KDM1A: variants seen among roughly 807,000 people sequenced by gnomAD.
KDM1A encodes lysine demethylase 1A, also known as lysine-specific histone demethylase 1A.
Under a neutral mutation model 109.4 loss-of-function variants are expected in KDM1A, and 49 were observed. The observed-to-expected ratio is 0.45, with a 90% confidence interval of 0.36 to 0.57. The LOEUF is 0.57. KDM1A is among the 20% of genes least tolerant of loss of function. The probability of loss-of-function intolerance (pLI) is 0.00; values close to 1 mark genes in which losing one functional copy is unlikely to be tolerated. For synonymous variants in KDM1A, 380 were observed against 415.4 expected (o/e 0.91, Z 1.04); for missense variants, 668 against 1,116.6 (o/e 0.60, Z 5.73).
intron 1 of KDM1A, among the ~76,000 whole-genome samples, chr1:23,024,407 T>C (rs1641734293): frequency 6.6e-6 from 1 of 152,178 alleles, no homozygotes; most frequent in African/African-American, 2.4e-5. Context: ...CTTCAGTAGT[T>C]CTTCAGTGTA....
intron 2 of KDM1A, among the ~76,000 whole-genome samples, chr1:23,040,552 T>A (rs1642280140): frequency 6.6e-6 from 1 of 152,016 alleles, no homozygotes; most frequent in African/African-American, 2.4e-5. Context: ...ATCCTGTTGC[T>A]TTGAGAGGCT....
chr1:23,058,754 C>T (rs1181781550), intron 8 of KDM1A, among the ~76,000 whole-genome samples: 1 of 152,056 alleles, frequency 6.6e-6, no homozygotes, highest in Non-Finnish European at 1.5e-5. Context: ...TAGCGTAAAA[C>T]GATGTCCACA....
Position 23,079,302 on chromosome 1 carries a change from G to T in KDM1A, c.2055+125G>T, listed in dbSNP as rs1017415552. 3 of 871,746 alleles carry T rather than the reference G, an allele frequency of 3.4e-6. No homozygotes were observed. The highest frequency in any genetic ancestry group is 5.2e-5 in the Admixed American group (2 of 38,636). The allele number at this position is 871,746 out of a possible 1,614,324, so 54.0% of individuals were successfully genotyped here. ...GGCTATGCTCCCAATTGTGACATCA[G>T]GGCTGAGGCGTGTCAGTTGATTCTC... On this transcript the variant is annotated intron_variant, in intron 17 of 20. Transcript: ENST00000400181. This position sits in a 1 kb window ranked among gnomAD's most constrained non-coding sequence, Gnocchi z 5.6.
At chr1:23,035,360 T>C (rs1393493660) in intron 2 of KDM1A, among the ~76,000 whole-genome samples, 1 of 152,100 alleles carries the variant, frequency 6.6e-6, no homozygotes, top group Non-Finnish European at 1.5e-5. Context: ...GCGCCACTAC[T>C]CCTAGCTAAT....
chr1:23,082,529 A>G, intron 20 of KDM1A, 163 bp downstream of exon 20: 1 of 666,384 alleles, frequency 1.5e-6, no homozygotes. Context: ...CTGATTTCTC[A>G]TAATTTGGTT....
intron 1 of KDM1A, among the ~76,000 whole-genome samples, chr1:23,027,413 C>CTTTTTT (rs34416518): frequency 8.7e-6 from 1 of 115,300 alleles, no homozygotes. Flanking sequence ...GTTTTGTTTG[C>CTTTTTT]TTTTTTTTTT....
At chr1:23,074,966 T>G (rs1391669530) in intron 15 of KDM1A, among the ~76,000 whole-genome samples, 1 of 152,258 alleles carries the variant, frequency 6.6e-6, no homozygotes, top group Admixed American at 6.5e-5. Context: ...TTGGCTATTT[T>G]AAGGTACGTA....
chr1:23,071,052 T>A (rs529971848), intron 12 of KDM1A, among the ~76,000 whole-genome samples, 173 bp from the exon 13 acceptor site: 8 of 152,268 alleles, frequency 5.3e-5, no homozygotes, highest in African/African-American at 1.9e-4. Flanking sequence ...TCTTTCCTAT[T>A]TCCCAAATGG....
intron 8 of KDM1A, among the ~76,000 whole-genome samples, chr1:23,058,344 G>T (rs571057614): frequency 1.3e-5 from 2 of 152,244 alleles, no homozygotes; most frequent in East Asian, 3.9e-4. Flanking sequence ...CTCCCAAAGT[G>T]CTAGGATTAC....
intron 4 of KDM1A, among the ~76,000 whole-genome samples, chr1:23,052,511 T>A (rs1642703520): frequency 6.6e-6 from 1 of 152,348 alleles, no homozygotes; most frequent in Non-Finnish European, 1.5e-5. Flanking sequence ...AAAGTTGTCT[T>A]ATAGAGCAGT....
intron 1 of KDM1A, among the ~76,000 whole-genome samples, chr1:23,021,077 G>T (rs1641612897): frequency 1.3e-5 from 2 of 152,156 alleles, no homozygotes; most frequent in South Asian, 4.1e-4. Flanking sequence ...TTTTAAGTGG[G>T]AATACCAAGT....
chr1:23,053,007 C>CT (rs1642716774), intron 4 of KDM1A, among the ~76,000 whole-genome samples: 1 of 152,202 alleles, frequency 6.6e-6, no homozygotes, highest in Admixed American at 6.5e-5. Flanking sequence ...CTTATTTCTT[C>CT]TTTCAGTGAT....
rs1643681934 is a variant in KDM1A, at chr1:23,083,493, C to T, written c.*129C>T. On this transcript the variant is annotated 3_prime_UTR_variant, in exon 21 of 21. Coordinates refer to ENST00000400181, the MANE Select transcript of KDM1A (RefSeq NM_001009999.3). Reference sequence around the variant, plus strand: ...CTGGGCTCCTGATCAGCTGATGGAGCTCCTGATTTGACAAAGGAGCTTGCC... The same window carrying T: ...CTGGGCTCCTGATCAGCTGATGGAGTTCCTGATTTGACAAAGGAGCTTGCC... 1.1e-6 allele frequency: 1 copy of T among 879,434 alleles called. No individual in the cohort carries two copies. The highest frequency in any genetic ancestry group is 1.7e-6 in the Non-Finnish European group (1 of 601,616). 54.5% of individuals were successfully genotyped at this position (879,434 alleles called of 1,614,324 possible).
At chr1:23,025,072 T>A (rs1641753273) in intron 1 of KDM1A, among the ~76,000 whole-genome samples, 1 of 152,210 alleles carries the variant, frequency 6.6e-6, no homozygotes, top group African/African-American at 2.4e-5. Context: ...CAGGTTGTAG[T>A]GAGCATTAGA....
rs1386401958 is a variant in KDM1A at position 23,051,188 on chromosome 1, C to T, written c.711+668C>T. ...TTTACCCTGTTCTGCTCATCTTGTT[C>T]AGCCTCTTCCTCTGGCTGAATGATT... On this transcript the variant is annotated intron_variant, in intron 4 of 20. Coordinates refer to ENST00000400181, the MANE Select transcript of KDM1A (RefSeq NM_001009999.3). Among the ~76,000 whole-genome samples the T allele has an allele frequency of 2.0e-5, 3 of 152,198 alleles. No individual in the cohort carries two copies. The East Asian group carries it at 5.8e-4, about 29-fold the overall frequency.
rs139626164 is a variant in KDM1A at position 23,055,103 on chromosome 1, T to C, written c.825T>C (p.Tyr275=). 6.4e-5 allele frequency: 103 copies of C among 1,612,720 alleles called. No individual in the cohort carries two copies. The highest frequency in any genetic ancestry group is 8.1e-5 in the Non-Finnish European group (95 of 1,179,592). Reference sequence around the variant, plus strand: ...TGCTTGTCCACCGAGTTCACAGTTATTTAGAGCGTCATGGTCTTATCAACT... The same window carrying C: ...TGCTTGTCCACCGAGTTCACAGTTACTTAGAGCGTCATGGTCTTATCAACT... ...DTVLVHRVHS[Y]LERHGLINFG... Residue 275 remains tyrosine, a synonymous_variant, in exon 6 of 21, where the codon TAT becomes TAC. Transcript: ENST00000400181.
intron 1 of KDM1A, among the ~76,000 whole-genome samples, chr1:23,029,997 G>A (rs1472410114): frequency 6.6e-6 from 1 of 152,164 alleles, no homozygotes; most frequent in East Asian, 1.9e-4. Flanking sequence ...TTTGACTGTT[G>A]TTATTTTCCA....
In KDM1A at chr1:23,050,439, T is replaced by C. The variant is rs890684079; in HGVS notation, c.630T>C (p.Ser210=). 33 of 1,613,646 alleles carry C rather than the reference T, an allele frequency of 2.0e-5. No homozygotes were observed. In the African/African-American group the frequency reaches 4.0e-4, roughly 20 times the overall value. Residue 210 remains serine, a synonymous_variant, in exon 4 of 21, where the codon TCT becomes TCC. Coordinates refer to ENST00000400181, the MANE Select transcript of KDM1A (RefSeq NM_001009999.3). ...GACTTCCTCATGACCGGATGACTTCTCAAGAAGCAGCCTGTTTTCCAGATA... is the reference window on the plus strand; with the variant it reads ...GACTTCCTCATGACCGGATGACTTCCCAAGAAGCAGCCTGTTTTCCAGATA... The part of the protein sequence containing the change: ...QSRLPHDRMT[S]QEAACFPDII...
chr1:23,071,621 G>A (rs563864114), intron 13 of KDM1A, among the ~76,000 whole-genome samples: 2 of 152,278 alleles, frequency 1.3e-5, no homozygotes, highest in East Asian at 3.9e-4. Flanking sequence ...TTTAGAGTAA[G>A]AGTATTAAAC....
Sources: gnomAD v4.1 joint callset for allele counts (sites outside exome capture counted in the v4.1 genomes callset) on GRCh38, gnomAD v4.1.1 for gene constraint, Gnocchi (gnomAD v3.1) non-coding constraint, MANE v1.5 for transcripts, NCBI Gene and HGNC (gene_info 2026-07-23, HGNC 2026-07-21) for gene names.